KRIT1: variants seen among roughly 807,000 people sequenced by gnomAD.
KRIT1 encodes KRIT1 ankyrin repeat containing.
In KRIT1, 45 loss-of-function variants were observed where a neutral mutation model predicts 95.8. That is an observed-to-expected ratio of 0.47 (90% CI 0.37 to 0.60). The LOEUF (loss-of-function observed/expected upper bound fraction) is 0.60, where lower values mean the gene tolerates loss of function less well. KRIT1 is among the 20% of genes least tolerant of loss of function. KRIT1 has a pLI of 0.00. For missense variants in KRIT1, 788 were observed against 877.5 expected (o/e 0.90, Z 1.29); for synonymous variants, 282 against 278.8 (o/e 1.01, Z -0.11).
chr7:92,240,774 A>G (rs1799444630), intron 5 of KRIT1: 6 of 567,600 alleles, frequency 1.1e-5, no homozygotes, highest in Non-Finnish European at 1.9e-5. Flanking sequence ...TCACATCAAC[A>G]TTGTGAATTC....
At chr7:92,222,797 T>A (rs202147837) in intron 13 of KRIT1, 25 bp downstream of exon 13, 1 of 1,440,686 alleles carries the variant, frequency 6.9e-7, no homozygotes, top group African/African-American at 1.4e-5. Context: ...TGAGGTTTAC[T>A]ATAACATAAT....
Position 92,244,089 on chromosome 7 carries a change from A to G in KRIT1, c.-90T>C, listed in dbSNP as rs988708666. 1.3e-5 allele frequency: 2 copies of G among 152,230 alleles called. No individual in the cohort carries two copies. The highest frequency in any genetic ancestry group is 2.9e-5 in the Non-Finnish European group (2 of 68,032). 9.4% of individuals were successfully genotyped at this position (152,230 alleles called of 1,614,324 possible). A position where few individuals can be genotyped will look rare whatever the true frequency, so the allele number is the denominator to read the frequency against. On this transcript the variant is annotated 5_prime_UTR_variant, in exon 3 of 19. Coordinates refer to ENST00000394505, the MANE Select transcript of KRIT1 (RefSeq NM_194454.3). Reference sequence around the variant, plus strand: ...CTATTTAGCAATTACTTTTCACCACAGATTAACAATGACTTCAAGATAATA... The same window carrying G: ...CTATTTAGCAATTACTTTTCACCACGGATTAACAATGACTTCAAGATAATA...
Position 92,213,388 on chromosome 7 carries a change from C to T in KRIT1, c.1832G>A (p.Ser611Asn), listed in dbSNP as rs1242449420. The stretch of plus-strand genomic sequence containing the variant: ...ATGCATTTCTTTACTGACACCTTCA[C>T]TTGTACTGAGATTCTAAAAACAAAC... ...ILHEYKNLST[S>N]EGVSKEMHHL... The change falls in exon 17 of 19, where the codon AGT becomes AAT. Residue 611 changes from serine (S) to asparagine (N), a missense_variant. Ser to Asn is a conservative substitution (Grantham distance 46). Transcript: ENST00000394505. The T allele has an allele frequency of 1.2e-6, 2 of 1,606,338 alleles. No individual in the cohort carries two copies. Among genetic ancestry groups the T allele is most frequent in the Admixed American group, 3.3e-5 (2 of 59,958 alleles).
chr7:92,212,874 C>T (rs1053082876), intron 17 of KRIT1, among the ~76,000 whole-genome samples: 2 of 152,188 alleles, frequency 1.3e-5, no homozygotes, highest in African/African-American at 2.4e-5. Context: ...ATCCTCATTT[C>T]CTCCCATTTT....
intron 17 of KRIT1, among the ~76,000 whole-genome samples, chr7:92,203,063 C>T (rs561775776): frequency 1.3e-5 from 2 of 152,278 alleles, no homozygotes; most frequent in Admixed American, 6.5e-5. Flanking sequence ...AGTATAGTTA[C>T]TTCTCAATTA....
At chr7:92,229,064 T>C (rs1290779470) in intron 10 of KRIT1, among the ~76,000 whole-genome samples, 2 of 152,204 alleles carry the variant, frequency 1.3e-5, no homozygotes, top group Non-Finnish European at 2.9e-5. Flanking sequence ...TGTGCATGTG[T>C]CTTTATGGCA....
chr7:92,236,968 G>A (rs976334950), intron 6 of KRIT1, among the ~76,000 whole-genome samples: 1 of 152,128 alleles, frequency 6.6e-6, no homozygotes, highest in African/African-American at 2.4e-5. Flanking sequence ...TATCATCAGT[G>A]TTACTACTAT....
At chr7:92,218,946 T>C (rs1459684605) in intron 14 of KRIT1, among the ~76,000 whole-genome samples, 1 of 152,186 alleles carries the variant, frequency 6.6e-6, no homozygotes, top group Admixed American at 6.5e-5. Context: ...CTTTGTTTTC[T>C]TCTATGAGTT....
chr7:92,214,285 T>A (rs1793483185), intron 15 of KRIT1, among the ~76,000 whole-genome samples: 1 of 152,062 alleles, frequency 6.6e-6, no homozygotes, highest in Non-Finnish European at 1.5e-5. Context: ...AAAACTAGTT[T>A]TTATGGTGGG....
chr7:92,245,703 A>C, intron 1 of KRIT1, 87 bp downstream of exon 1: 1 of 152,424 alleles, frequency 6.6e-6, no homozygotes, highest in Non-Finnish European at 1.5e-5. Flanking sequence ...CTCAGTCGCC[A>C]AAAGAAAGCC....
At chr7:92,215,356 T>C (rs886774231) in intron 14 of KRIT1, among the ~76,000 whole-genome samples, 2 of 152,224 alleles carry the variant, frequency 1.3e-5, no homozygotes, top group African/African-American at 4.8e-5. Context: ...TAAAAGGAAG[T>C]ATCTTAATTT....
intron 12 of KRIT1, among the ~76,000 whole-genome samples, chr7:92,224,022 T>TA (rs568229764): frequency 3.9e-5 from 6 of 152,236 alleles, no homozygotes; most frequent in Non-Finnish European, 7.3e-5. Flanking sequence ...AGGGTACCTG[T>TA]ACTGCTTGTC....
intron 10 of KRIT1, among the ~76,000 whole-genome samples, chr7:92,230,880 AG>A (rs1797140360): frequency 6.6e-6 from 1 of 152,160 alleles, no homozygotes; most frequent in Non-Finnish European, 1.5e-5. Context: ...AAGTAGTGAA[AG>A]TTTAAGTACT....
At chr7:92,215,196 T>C (rs1793702035) in intron 14 of KRIT1, among the ~76,000 whole-genome samples, 1 of 152,194 alleles carries the variant, frequency 6.6e-6, no homozygotes, top group South Asian at 2.1e-4. Flanking sequence ...CTATAAGCTA[T>C]AGTTTGCTGA....
intron 14 of KRIT1, among the ~76,000 whole-genome samples, chr7:92,221,225 CA>C: frequency 6.6e-6 from 1 of 152,146 alleles, no homozygotes; most frequent in East Asian, 2.0e-4. Flanking sequence ...CACTTGAAGC[CA>C]AGAGTTCAAG....
intron 3 of KRIT1, among the ~76,000 whole-genome samples, chr7:92,242,519 G>A (rs1341359016): frequency 6.6e-6 from 1 of 152,298 alleles, no homozygotes; most frequent in African/African-American, 2.4e-5. Flanking sequence ...ACTTGAAATA[G>A]TGATTCAGAA....
intron 12 of KRIT1, among the ~76,000 whole-genome samples, chr7:92,223,672 C>G (rs1795631493): frequency 1.3e-5 from 2 of 152,066 alleles, no homozygotes. Context: ...CTTCACGAGT[C>G]TAGTGGGTCA....
intron 17 of KRIT1, among the ~76,000 whole-genome samples, chr7:92,212,388 T>C (rs957824715): frequency 6.6e-5 from 10 of 152,222 alleles, no homozygotes; most frequent in Non-Finnish European, 1.5e-4. Context: ...ATGGACTGAA[T>C]GTTTGTGTCC....
intron 10 of KRIT1, among the ~76,000 whole-genome samples, chr7:92,233,792 A>C (rs970454392): frequency 1.7e-4 from 26 of 152,194 alleles, no homozygotes; most frequent in African/African-American, 4.1e-4. Flanking sequence ...AAACTTTATT[A>C]TATCCTTTCT....
Sources: gnomAD v4.1 joint callset for allele counts (sites outside exome capture counted in the v4.1 genomes callset) on GRCh38, gnomAD v4.1.1 for gene constraint, MANE v1.5 for transcripts, NCBI Gene and HGNC (gene_info 2026-07-23, HGNC 2026-07-21) for gene names.